Variants in MALRD1 observed in about 807,000 individuals in gnomAD.
MALRD1 encodes the protein MAM and LDL-receptor class A domain-containing protein 1.
In MALRD1, 247 loss-of-function variants were observed where a neutral mutation model predicts 242.1. That is an observed-to-expected ratio of 1.02 (90% CI 0.92 to 1.13). MALRD1 has a LOEUF of 1.13. Ranked by LOEUF, MALRD1 falls within the 50% of genes most tolerant of loss-of-function variation. The probability of loss-of-function intolerance (pLI) is 0.00; values close to 1 mark genes in which losing one functional copy is unlikely to be tolerated. For synonymous variants in MALRD1, 995 were observed against 866.6 expected (o/e 1.15, Z -2.60); for missense variants, 2,989 against 2,533.1 (o/e 1.18, Z -3.86).
chr10:19,314,535 T>G (rs1842556537), intron 21 of MALRD1, among the ~76,000 whole-genome samples: 2 of 151,630 alleles, frequency 1.3e-5, no homozygotes, highest in Non-Finnish European at 3.0e-5. Context: ...GTCCGAATAC[T>G]TATGTAAATT....
chr10:19,229,846 C>A (rs1451541087), intron 18 of MALRD1, among the ~76,000 whole-genome samples: 2 of 152,106 alleles, frequency 1.3e-5, no homozygotes, highest in African/African-American at 2.4e-5. Context: ...GACAGAAAGC[C>A]TAGCTATATT....
intron 21 of MALRD1, among the ~76,000 whole-genome samples, chr10:19,301,272 T>C (rs1294624114): frequency 1.3e-5 from 2 of 151,902 alleles, no homozygotes; most frequent in Non-Finnish European, 2.9e-5. Context: ...GCAATGTAAA[T>C]CTGTTCAGCT....
chr10:19,432,809 T>C, intron 28 of MALRD1, among the ~76,000 whole-genome samples: 1 of 152,224 alleles, frequency 6.6e-6, no homozygotes. Context: ...ATTCCAATGA[T>C]TGCATTCCTG....
intron 24 of MALRD1, among the ~76,000 whole-genome samples, chr10:19,342,991 T>G (rs548055844): frequency 2.1e-4 from 32 of 152,246 alleles, no homozygotes; most frequent in African/African-American, 7.2e-4. Flanking sequence ...ATATATAATA[T>G]GCCTTATGAA....
At chr10:19,456,038 C>A (rs1835632200) in intron 29 of MALRD1, among the ~76,000 whole-genome samples, 1 of 152,086 alleles carries the variant, frequency 6.6e-6, no homozygotes, top group South Asian at 2.1e-4. Context: ...AAGATGTTGC[C>A]TTTTCAACTG....
chr10:19,463,844 G>A (rs1270587925), intron 29 of MALRD1, among the ~76,000 whole-genome samples: 3 of 152,108 alleles, frequency 2.0e-5, no homozygotes, highest in Non-Finnish European at 2.9e-5. Context: ...CAGTGTAAAA[G>A]TGTTCCCTTT....
chr10:19,547,812 ATATATATTTTTT>A (rs1564431821), intron 32 of MALRD1, among the ~76,000 whole-genome samples: 2 of 14,216 alleles, frequency 1.4e-4, no homozygotes, highest in Non-Finnish European at 2.9e-4. Flanking sequence ...ATATATATAT[ATATATATTTTTT>A]TTTTTTTTTT....
chr10:19,222,591 T>G (rs2131668585), intron 18 of MALRD1, among the ~76,000 whole-genome samples: 1 of 152,312 alleles, frequency 6.6e-6, no homozygotes, highest in Middle Eastern at 3.4e-3. Flanking sequence ...ATCATCTTCA[T>G]CAGACAGTAT....
chr10:19,284,553 C>T (rs1449464749), intron 21 of MALRD1, among the ~76,000 whole-genome samples: 3 of 151,434 alleles, frequency 2.0e-5, no homozygotes, highest in Non-Finnish European at 4.4e-5. Flanking sequence ...TTTCCAGTTT[C>T]ATCCATGTCC....
chr10:19,607,605 T>A (rs939442062), intron 34 of MALRD1, among the ~76,000 whole-genome samples, 172 bp from the exon 35 acceptor site: 6 of 152,156 alleles, frequency 3.9e-5, no homozygotes, highest in African/African-American at 1.2e-4. Context: ...CAGACATTTT[T>A]AAGTTAATCC....
rs1386147223 is a variant in MALRD1, at chr10:19,450,494, A to G, written c.5029+4A>G. ...GAATTTAAAAACTGCACAACTGGTA[A>G]GTTTCCAGAAAGCACTTCCATTTGG... On this transcript the variant is annotated splice_donor_region_variant and intron_variant, in intron 29 of 39. Coordinates refer to ENST00000454679, the MANE Select transcript of MALRD1 (RefSeq NM_001142308.3). 11 of 1,539,122 alleles carry G rather than the reference A, an allele frequency of 7.1e-6. No individual in the cohort carries two copies. Among genetic ancestry groups the G allele is most frequent in the Non-Finnish European group, 9.6e-6 (11 of 1,141,854 alleles).
chr10:19,205,259 A>T lies in MALRD1; in HGVS notation c.2572A>T (p.Asn858Tyr). Reference sequence around the variant, plus strand: ...CTGTGGTGATCGTACTGATGAAGTCAACTGTGGTAAGTTCTTTTTGGTTGG... The same window carrying T: ...CTGTGGTGATCGTACTGATGAAGTCTACTGTGGTAAGTTCTTTTTGGTTGG... Reference protein sequence around the residue: ...DDCGDRTDEVNCAPELQCNFE... With the variant: ...DDCGDRTDEVYCAPELQCNFE... The change falls in exon 17 of 40, where the codon AAC (asparagine) becomes TAC (tyrosine). Residue 858 changes from asparagine (N) to tyrosine (Y), a missense_variant. Coordinates refer to ENST00000454679, the MANE Select transcript of MALRD1 (RefSeq NM_001142308.3). The T allele has an allele frequency of 6.5e-7, 1 of 1,543,360 alleles. No individual in the cohort carries two copies. The highest frequency in any genetic ancestry group is 8.7e-7 in the Non-Finnish European group (1 of 1,143,298).
chr10:19,253,042 G>A (rs553049244), intron 18 of MALRD1, among the ~76,000 whole-genome samples: 12 of 152,062 alleles, frequency 7.9e-5, no homozygotes, highest in East Asian at 5.8e-4. Flanking sequence ...GTCTGAATGC[G>A]TTTATAAGAA....
Position 19,088,197 on chromosome 10 carries a change from C to G in MALRD1, c.597+12C>G. ...CACAGAGATTTCAGGTATGTGTGTT[C>G]TATTTTCTAACTATGGCCTTGAAGA... On this transcript the variant is annotated intron_variant, in intron 4 of 39. Transcript: ENST00000454679. 1 of 1,232,886 alleles carries G rather than the reference C, an allele frequency of 8.1e-7. No homozygotes were observed. Among genetic ancestry groups the G allele is most frequent in the Non-Finnish European group, 1.0e-6 (1 of 987,434 alleles). The allele number at this position is 1,232,886 out of a possible 1,614,324, so 76.4% of individuals were successfully genotyped here.
intron 28 of MALRD1, among the ~76,000 whole-genome samples, chr10:19,422,494 A>G (rs1426618251): frequency 6.6e-6 from 1 of 152,196 alleles, no homozygotes; most frequent in Admixed American, 6.5e-5. Flanking sequence ...GGATATAAGG[A>G]TAGTAAAGAT....
At chr10:19,227,254 CA>C (rs1837839035) in intron 18 of MALRD1, among the ~76,000 whole-genome samples, 1 of 151,764 alleles carries the variant, frequency 6.6e-6, no homozygotes, top group Non-Finnish European at 1.5e-5. Flanking sequence ...TGTAAAGCTA[CA>C]CTAACCAGTA....
rs375588999 is a variant in MALRD1, at chr10:19,530,406, T to TA, written c.5321-787dup. Among the ~76,000 whole-genome samples, 94 of 39,792 alleles carry TA rather than the reference T, an allele frequency of 2.4e-3. 1 individual carries two copies. Among genetic ancestry groups the TA allele is most frequent in the African/African-American group, 0.011 (88 of 8,104 alleles). 26.1% of individuals were successfully genotyped at this position (39,792 alleles called of 152,430 possible). A position where few individuals can be genotyped will look rare whatever the true frequency, so the allele number is the denominator to read the frequency against. On this transcript the variant is annotated intron_variant, in intron 31 of 39. Transcript: ENST00000454679. ...ATTATATATTTATATAAATATTATATATTTATATAATAATAAATATATAAT... is the reference window on the plus strand; with the variant it reads ...ATTATATATTTATATAAATATTATATAATTTATATAATAATAAATATATAAT...
intron 19 of MALRD1, among the ~76,000 whole-genome samples, chr10:19,262,967 T>A (rs965870861): frequency 5.3e-5 from 8 of 152,148 alleles, no homozygotes; most frequent in Non-Finnish European, 8.8e-5. Flanking sequence ...GATTTCTTGA[T>A]TTTTTTAAAG....
chr10:19,200,834 T>G (rs898766443), intron 14 of MALRD1, among the ~76,000 whole-genome samples: 4 of 152,010 alleles, frequency 2.6e-5, no homozygotes, highest in Admixed American at 6.6e-5. Context: ...TTAGGTAATT[T>G]TTCTCACAGC....
Sources: gnomAD v4.1 joint callset for allele counts (sites outside exome capture counted in the v4.1 genomes callset) on GRCh38, gnomAD v4.1.1 for gene constraint, MANE v1.5 for transcripts, NCBI Gene and HGNC (gene_info 2026-07-23, HGNC 2026-07-21) for gene names.